TP53BP1: variants seen among roughly 807,000 people sequenced by gnomAD.
TP53BP1 encodes the protein TP53-binding protein 1.
Under a neutral mutation model 200.8 loss-of-function variants are expected in TP53BP1, and 61 were observed. The ratio of observed to expected loss-of-function variants is 0.30; its 90% CI spans 0.25 to 0.38. The LOEUF is 0.38. TP53BP1 is among the 10% of genes least tolerant of loss of function. The probability of loss-of-function intolerance (pLI) is 1.00; values close to 1 mark genes in which losing one functional copy is unlikely to be tolerated. For synonymous variants in TP53BP1, 822 were observed against 844.3 expected, an observed-to-expected ratio of 0.97 and a Z score of 0.46; for missense variants, 2,144 against 2,371.9, an observed-to-expected ratio of 0.90 and a Z score of 2.00.
chr15:43,501,199 T>C (rs1320220455), intron 1 of TP53BP1, among the ~76,000 whole-genome samples: 2 of 141,766 alleles, frequency 1.4e-5, no homozygotes, highest in African/African-American at 6.1e-5. Flanking sequence ...CTCTTAATTG[T>C]GTAATTTTTT....
rs760280891 is a variant in TP53BP1 at position 43,438,435 on chromosome 15, G to A, written c.3099-19C>T. The A allele has an allele frequency of 2.6e-6, 4 of 1,563,692 alleles. No individual in the cohort carries two copies. The highest frequency in any genetic ancestry group is 3.5e-6 in the Non-Finnish European group (4 of 1,143,972). ...CTGGGGACTAAGACAATATATTAAA[G>A]CAATATATTGTTAACTTTGAAAAGA... On this transcript the variant is annotated intron_variant, in intron 15 of 27. Coordinates refer to ENST00000382044, the MANE Select transcript of TP53BP1 (RefSeq NM_001141980.3).
intron 12 of TP53BP1, among the ~76,000 whole-genome samples, chr15:43,451,634 G>A (rs913697193): frequency 5.3e-5 from 8 of 152,184 alleles, no homozygotes; most frequent in East Asian, 1.9e-4. Context: ...GAATAGTGCC[G>A]CAATAAACAT....
intron 12 of TP53BP1, among the ~76,000 whole-genome samples, chr15:43,453,632 C>T (rs1187627819): frequency 1.3e-5 from 2 of 150,802 alleles, no homozygotes; most frequent in African/African-American, 4.9e-5. Context: ...AGCTGGAGTG[C>T]AGTGATACAA....
At chr15:43,484,001 CT>C (rs995524476) in intron 4 of TP53BP1, among the ~76,000 whole-genome samples, 69 of 152,314 alleles carry the variant, frequency 4.5e-4, no homozygotes, top group African/African-American at 1.6e-3. Flanking sequence ...CTGGCCTAGA[CT>C]TTTCCCTCTG....
In TP53BP1 at chr15:43,464,975, A is replaced by G. The variant is rs552600159; in HGVS notation, c.1389+4883T>C. On this transcript the variant is annotated intron_variant, in intron 11 of 27. Coordinates refer to ENST00000382044, the MANE Select transcript of TP53BP1 (RefSeq NM_001141980.3). ...AATTCTTTTTTCCTTTATATTTTTT[A>G]TAGACAAGGATAGATCAATACAAAA... 7.6e-4 allele frequency among the ~76,000 whole-genome samples: 115 copies of G among 152,232 alleles called. 1 individual carries two copies. Among genetic ancestry groups the G allele is most frequent in the Admixed American group, 2.0e-4 (3 of 15,290 alleles).
Position 43,422,107 on chromosome 15 carries a change from A to C in TP53BP1, c.3848T>G (p.Val1283Gly). 6.2e-7 allele frequency: 1 copy of C among 1,614,068 alleles called. No homozygotes were observed. Among genetic ancestry groups the C allele is most frequent in the South Asian group, 1.1e-5 (1 of 91,064 alleles). ...TTCAGTTTCACACTCCTGACACTCT[A>C]CAATTGGCTCTTCAGTCTCCTGCAA... ...KVTEETEEPIVECQECETEVS... is the reference protein window; with the variant it reads ...KVTEETEEPIGECQECETEVS... Residue 1283 changes from valine to glycine, a missense_variant, in exon 19 of 28, where the codon GTA (valine) becomes GGA (glycine). Transcript: ENST00000382044.
Position 43,493,083 on chromosome 15 carries a change from G to C in TP53BP1, c.-40C>G. On this transcript the variant is annotated 5_prime_UTR_variant, in exon 1 of 28. Coordinates refer to ENST00000382044, the MANE Select transcript of TP53BP1 (RefSeq NM_001141980.3). ...CCTCGCGCTCGAGCTAGAGGTCTCT[G>C]CACGCTCCCCAAGTCCCTCCAGATC... is the stretch of plus-strand genomic sequence containing the variant. 6.2e-7 allele frequency: 1 copy of C among 1,611,454 alleles called. No individual in the cohort carries two copies. Among genetic ancestry groups the C allele is most frequent in the Non-Finnish European group, 8.5e-7 (1 of 1,179,354 alleles).
chr15:43,409,164 A>C, intron 25 of TP53BP1, 68 bp from the exon 26 acceptor site: 1 of 1,471,264 alleles, frequency 6.8e-7, no homozygotes, highest in Non-Finnish European at 9.5e-7. Flanking sequence ...CAGCAGCCAT[A>C]ATGAGCCATG....
intron 4 of TP53BP1, among the ~76,000 whole-genome samples, chr15:43,489,533 T>C (rs1426614105): frequency 6.6e-6 from 1 of 152,174 alleles, no homozygotes; most frequent in Non-Finnish European, 1.5e-5. Flanking sequence ...AGCACTATGA[T>C]AAATGACAAA....
Position 43,404,769 on chromosome 15 carries a change from A to C in TP53BP1, c.*2614T>G. ...AAATACTAAAAAACCTGACAGTGAG[A>C]TAGGTGTTAAGTCCTTTGCTAGGTT... is the stretch of plus-strand genomic sequence containing the variant. On this transcript the variant is annotated 3_prime_UTR_variant, in exon 28 of 28. Transcript: ENST00000382044. The C allele has an allele frequency of 1.7e-6, 1 of 577,496 alleles. No individual in the cohort carries two copies. The highest frequency in any genetic ancestry group is 3.0e-6 in the Non-Finnish European group (1 of 336,586). 35.8% of individuals were successfully genotyped at this position (577,496 alleles called of 1,614,324 possible).
Position 43,493,082 on chromosome 15 carries a change from T to C in TP53BP1, c.-39A>G. 2 of 1,611,734 alleles carry C rather than the reference T, an allele frequency of 1.2e-6. No individual in the cohort carries two copies. The highest frequency in any genetic ancestry group is 1.7e-6 in the Non-Finnish European group (2 of 1,179,420). On this transcript the variant is annotated 5_prime_UTR_variant, in exon 1 of 28. Coordinates refer to ENST00000382044, the MANE Select transcript of TP53BP1 (RefSeq NM_001141980.3). Reference sequence around the variant, plus strand: ...CCCTCGCGCTCGAGCTAGAGGTCTCTGCACGCTCCCCAAGTCCCTCCAGAT... The same window carrying C: ...CCCTCGCGCTCGAGCTAGAGGTCTCCGCACGCTCCCCAAGTCCCTCCAGAT...
intron 20 of TP53BP1, 107 bp downstream of exon 20, chr15:43,420,918 T>A (rs1320504138): frequency 7.1e-7 from 1 of 1,402,086 alleles, no homozygotes; most frequent in South Asian, 1.3e-5. Flanking sequence ...CCAGTCAGTA[T>A]GGCCCCTCTT....
upstream of TP53BP1, among the ~76,000 whole-genome samples, chr15:43,494,161 A>C (rs1379292877): frequency 6.6e-6 from 1 of 152,210 alleles, no homozygotes; most frequent in African/African-American, 2.4e-5. Flanking sequence ...AGCAGCTGTC[A>C]ATAGGGAAAG....
intron 16 of TP53BP1, among the ~76,000 whole-genome samples, chr15:43,435,059 G>A (rs375589494): frequency 5.3e-5 from 8 of 151,972 alleles, no homozygotes; most frequent in Non-Finnish European, 8.8e-5. Flanking sequence ...TGAGGAGTTC[G>A]AGACCTGCCT....
intron 11 of TP53BP1, among the ~76,000 whole-genome samples, chr15:43,464,123 T>G (rs2046505056): frequency 6.6e-6 from 1 of 152,156 alleles, no homozygotes; most frequent in Non-Finnish European, 1.5e-5. Flanking sequence ...CACTCAGAAC[T>G]ACTAATCATC....
intron 24 of TP53BP1, among the ~76,000 whole-genome samples, chr15:43,410,822 G>A (rs745902940): frequency 6.6e-6 from 1 of 152,098 alleles, no homozygotes; most frequent in Non-Finnish European, 1.5e-5. Flanking sequence ...CAGGTCAGGG[G>A]TCTCCATCTC....
intron 16 of TP53BP1, among the ~76,000 whole-genome samples, chr15:43,436,242 C>T (rs1421135031): frequency 6.6e-6 from 1 of 152,070 alleles, no homozygotes. Context: ...CCACCCACCT[C>T]GGTCTACCAA....
chr15:43,506,762 A>T (rs910146042), intron 1 of TP53BP1, among the ~76,000 whole-genome samples: 3 of 152,218 alleles, frequency 2.0e-5, no homozygotes, highest in Non-Finnish European at 4.4e-5. Context: ...GTGTCTGACA[A>T]TCATGCATAT....
chr15:43,419,623 C>A (rs1295277237), intron 21 of TP53BP1, among the ~76,000 whole-genome samples: 1 of 150,388 alleles, frequency 6.6e-6, no homozygotes, highest in African/African-American at 2.5e-5. Context: ...TCAAGTGATC[C>A]CCCTGCTTTG....
Sources: allele counts gnomAD v4.1 joint callset (sites outside exome capture counted in the v4.1 genomes callset), GRCh38; gene constraint gnomAD v4.1.1; transcripts MANE v1.5; gene names NCBI Gene and HGNC (gene_info 2026-07-23, HGNC 2026-07-21).